MIGA1: variants seen among roughly 807,000 people sequenced by gnomAD.
The protein encoded by MIGA1 is mitoguardin 1, also known as family with sequence similarity 73, member A.
A neutral mutation model predicts 82.0 loss-of-function variants in MIGA1; 58 were observed. The ratio of observed to expected loss-of-function variants is 0.71; its 90% CI spans 0.57 to 0.88. MIGA1 has a LOEUF of 0.88. Among genes scored for constraint, MIGA1 ranks in the 40% least tolerant of loss-of-function variants. The pLI, the probability that MIGA1 is intolerant of heterozygous loss-of-function variation, is 0.00. For missense variants in MIGA1, 751 were observed against 749.1 expected (o/e 1.00, Z -0.03); for synonymous variants, 249 against 253.6 (o/e 0.98, Z 0.17).
At chr1:77,859,176 A>G in intron 9 of MIGA1, 120 bp downstream of exon 9, 1 of 998,264 alleles carries the variant, frequency 1.0e-6, no homozygotes, top group East Asian at 2.4e-5. Context: ...AGAAAAAATT[A>G]TTTTTACATG....
intron 5 of MIGA1, among the ~76,000 whole-genome samples, chr1:77,807,374 G>A (rs1683141880): frequency 1.3e-5 from 2 of 152,216 alleles, no homozygotes; most frequent in South Asian, 2.1e-4. Flanking sequence ...CATGTTGCCA[G>A]GTTGGTCTTG....
At chr1:77,812,676 CTA>C (rs980674813) in intron 5 of MIGA1, among the ~76,000 whole-genome samples, 6 of 151,958 alleles carry the variant, frequency 3.9e-5, no homozygotes, top group African/African-American at 1.5e-4. Context: ...AAGTTTTAAA[CTA>C]TTTTTGTTTT....
intron 2 of MIGA1, among the ~76,000 whole-genome samples, chr1:77,792,750 C>T (rs1380187897): frequency 6.7e-6 from 1 of 149,428 alleles, no homozygotes; most frequent in Non-Finnish European, 1.5e-5. Flanking sequence ...AATGTCTCTT[C>T]ATGTCCTTTG....
At chr1:77,852,126 C>G (rs1423731438) in intron 8 of MIGA1, among the ~76,000 whole-genome samples, 1 of 152,104 alleles carries the variant, frequency 6.6e-6, no homozygotes, top group African/African-American at 2.4e-5. Flanking sequence ...CTCAAGTGAT[C>G]TGCGCACGTC....
At chr1:77,847,693 T>C in intron 8 of MIGA1, 1 of 1,580,242 alleles carries the variant, frequency 6.3e-7, no homozygotes, top group Non-Finnish European at 8.7e-7. Flanking sequence ...TATAGACACT[T>C]ACTAAATCAA....
chr1:77,822,033 T>G (rs914875929), intron 7 of MIGA1, among the ~76,000 whole-genome samples: 4 of 152,044 alleles, frequency 2.6e-5, no homozygotes, highest in Non-Finnish European at 5.9e-5. Flanking sequence ...AATCTTACCT[T>G]ACACACCACA....
chr1:77,827,337 G>A (rs1684069486), intron 7 of MIGA1, among the ~76,000 whole-genome samples: 1 of 152,124 alleles, frequency 6.6e-6, no homozygotes, highest in Non-Finnish European at 1.5e-5. Context: ...AGCTGGGTGT[G>A]TTGACTCACG....
chr1:77,813,316 T>G (rs1243319130), intron 5 of MIGA1, among the ~76,000 whole-genome samples: 1 of 152,194 alleles, frequency 6.6e-6, no homozygotes, highest in African/African-American at 2.4e-5. Context: ...TGAGAACTTA[T>G]AAACCCGGTA....
chr1:77,869,468 A>G (rs1685816206), intron 14 of MIGA1, among the ~76,000 whole-genome samples: 1 of 140,398 alleles, frequency 7.1e-6, no homozygotes, highest in Non-Finnish European at 1.6e-5. Flanking sequence ...CACACCTCCC[A>G]GACGGGGTCG....
chr1:77,844,656 T>C (rs1451353174), intron 8 of MIGA1, among the ~76,000 whole-genome samples: 1 of 152,098 alleles, frequency 6.6e-6, no homozygotes, highest in East Asian at 1.9e-4. Flanking sequence ...ATATAATAAT[T>C]TTAGGTGCTC....
intron 2 of MIGA1, among the ~76,000 whole-genome samples, chr1:77,790,468 A>G (rs1353404927): frequency 6.6e-6 from 1 of 152,032 alleles, no homozygotes; most frequent in African/African-American, 2.4e-5. Context: ...GGGTTTCACC[A>G]TGTTAGCCAG....
At chr1:77,794,153 C>T (rs1318505833) in intron 2 of MIGA1, among the ~76,000 whole-genome samples, 21 of 152,088 alleles carry the variant, frequency 1.4e-4, no homozygotes, top group Non-Finnish European at 1.2e-4. Flanking sequence ...ATAGAATTCT[C>T]GTGTATGCTT....
At chr1:77,808,600 A>G (rs184437286) in intron 5 of MIGA1, among the ~76,000 whole-genome samples, 1 of 152,328 alleles carries the variant, frequency 6.6e-6, no homozygotes, top group East Asian at 1.9e-4. Flanking sequence ...GGAGCCCTGA[A>G]GAAGAACCAA....
chr1:77,843,280 C>A (rs376762089), intron 7 of MIGA1, 27 bp from the exon 8 acceptor site: 64 of 1,505,080 alleles, frequency 4.3e-5, no homozygotes, highest in Admixed American at 1.7e-5. Flanking sequence ...ATATCACTTT[C>A]TGAACTTTTC....
chr1:77,828,526 T>C (rs1684116394), intron 7 of MIGA1, among the ~76,000 whole-genome samples: 1 of 152,220 alleles, frequency 6.6e-6, no homozygotes, highest in Admixed American at 6.5e-5. Context: ...GCTTATTAAA[T>C]ACAGAACTTT....
intron 7 of MIGA1, among the ~76,000 whole-genome samples, chr1:77,839,720 A>C (rs56010524): frequency 0.016 from 2,374 of 152,110 alleles, 74 homozygotes; most frequent in African/African-American, 0.054. Flanking sequence ...TCAGTACCAC[A>C]GTCGAGTTGA....
At chr1:77,835,982 G>A (rs892196505) in intron 7 of MIGA1, among the ~76,000 whole-genome samples, 24 of 152,044 alleles carry the variant, frequency 1.6e-4, no homozygotes, top group African/African-American at 2.9e-4. Flanking sequence ...AGAAAGAAAC[G>A]TAAGAAATTT....
chr1:77,833,704 G>A (rs762982569), intron 7 of MIGA1, among the ~76,000 whole-genome samples: 55 of 152,320 alleles, frequency 3.6e-4, no homozygotes, highest in Non-Finnish European at 7.2e-4. Flanking sequence ...CTGTGGCAGG[G>A]GACCTTTGTG....
rs966002441 is a variant in MIGA1, at chr1:77,779,669, G to T, written c.14G>T (p.Cys5Phe). 2 of 1,584,948 alleles carry T rather than the reference G, an allele frequency of 1.3e-6. No homozygotes were observed. The highest frequency in any genetic ancestry group is 1.7e-6 in the Non-Finnish European group (2 of 1,165,506). ...TCCGCCTTCTCCATGTCAGACTGCT[G>T]CTCAGCGCCAGGCATCAGCTGGGAA... The change falls in exon 1 of 16, where the codon TGC becomes TTC. Residue 5 changes from cysteine to phenylalanine, a missense_variant. By Grantham distance (205) the Cys-to-Phe change is radical. This residue lies in a region of MIGA1 where 482 missense variants were observed against 439.4 expected (regional missense o/e 1.10). Coordinates refer to ENST00000370791, the MANE Select transcript of MIGA1 (RefSeq NM_198549.4).
Sources: allele counts gnomAD v4.1 joint callset (sites outside exome capture counted in the v4.1 genomes callset), GRCh38; gene constraint gnomAD v4.1.1; regional missense constraint gnomAD v4.1.1; transcripts MANE v1.5; gene names NCBI Gene and HGNC (gene_info 2026-07-23, HGNC 2026-07-21).